The following VMP1 variants were observed in gnomAD, a reference collection of about 807,000 sequenced individuals.
The protein encoded by VMP1 is vacuole membrane protein 1.
VMP1 carries 11 observed loss-of-function variants against 56.0 expected under a neutral mutation model. The observed-to-expected ratio is 0.20, with a 90% CI of 0.12 to 0.32. The LOEUF (loss-of-function observed/expected upper bound fraction) is 0.32, where lower values mean the gene tolerates loss of function less well. VMP1 is among the 10% of genes least tolerant of loss of function. The pLI is 1.00. For synonymous variants in VMP1, 149 were observed against 165.0 expected (o/e 0.90, Z 0.74); for missense variants, 296 against 490.3 (o/e 0.60, Z 3.74).
intron 10 of VMP1, among the ~76,000 whole-genome samples, chr17:59,834,450 T>G (rs1007533030): frequency 1.5e-4 from 22 of 150,598 alleles, no homozygotes; most frequent in Middle Eastern, 3.4e-3. Flanking sequence ...TTTGGGGGGG[T>G]TTTTTGTTTT....
chr17:59,823,018 G>A (rs910582087), intron 10 of VMP1, among the ~76,000 whole-genome samples: 3 of 152,146 alleles, frequency 2.0e-5, no homozygotes, highest in African/African-American at 7.2e-5. Context: ...GCAGGAGGTT[G>A]AGGCTGCAGT....
chr17:59,772,761 T>C (rs1193098104), intron 6 of VMP1, among the ~76,000 whole-genome samples: 1 of 151,458 alleles, frequency 6.6e-6, no homozygotes, highest in Non-Finnish European at 1.5e-5. Context: ...AGAGTGAGAC[T>C]TCATCTCAAA....
intron 1 of VMP1, among the ~76,000 whole-genome samples, chr17:59,717,574 GGT>G (rs2034214342): frequency 6.6e-6 from 1 of 151,726 alleles, no homozygotes; most frequent in African/African-American, 2.4e-5. Flanking sequence ...GTACAGACAG[GGT>G]TCCACAGTGT....
At chr17:59,718,360 C>T (rs2143730002) in intron 1 of VMP1, among the ~76,000 whole-genome samples, 1 of 151,814 alleles carries the variant, frequency 6.6e-6, no homozygotes, top group South Asian at 2.1e-4. Context: ...CCACGCCCGG[C>T]TGATTTTTTG....
At chr17:59,816,026 G>T in intron 9 of VMP1, among the ~76,000 whole-genome samples, 1 of 151,790 alleles carries the variant, frequency 6.6e-6, no homozygotes, top group South Asian at 2.1e-4. Context: ...GGGCTCTTCC[G>T]TGGTCTGTGC....
intron 10 of VMP1, among the ~76,000 whole-genome samples, chr17:59,818,095 C>T (rs1568205656): frequency 6.6e-6 from 1 of 152,108 alleles, no homozygotes. Flanking sequence ...ATGTGTATAT[C>T]ATTGCAGTTT....
At chr17:59,809,568 G>A (rs1474004856) in intron 8 of VMP1, among the ~76,000 whole-genome samples, 4 of 125,196 alleles carry the variant, frequency 3.2e-5, no homozygotes, top group Non-Finnish European at 4.8e-5. Context: ...GTGCAGTGGC[G>A]GGATCTCGGC....
At chr17:59,764,741 T>C (rs1598358563) in intron 5 of VMP1, among the ~76,000 whole-genome samples, 1 of 152,204 alleles carries the variant, frequency 6.6e-6, no homozygotes, top group East Asian at 1.9e-4. Context: ...ACTCATTATG[T>C]GTAAATTTTA....
At chr17:59,808,740 C>G in intron 7 of VMP1, 56 bp from the exon 8 acceptor site, 7 of 1,353,012 alleles carry the variant, frequency 5.2e-6, no homozygotes, top group Admixed American at 1.9e-5. Context: ...TAGAAAGAAC[C>G]ATCTTTCCTT....
At chr17:59,748,129 G>A (rs868033951) in intron 5 of VMP1, among the ~76,000 whole-genome samples, 4 of 150,786 alleles carry the variant, frequency 2.7e-5, no homozygotes, top group Non-Finnish European at 4.4e-5. Flanking sequence ...CCAGGAGGCG[G>A]AGCTTACAGT....
chr17:59,776,107 G>A (rs1250886061), intron 7 of VMP1, among the ~76,000 whole-genome samples: 2 of 152,048 alleles, frequency 1.3e-5, no homozygotes, highest in Non-Finnish European at 2.9e-5. Flanking sequence ...TGCTACTTGG[G>A]AGGCTAAAAC....
intron 6 of VMP1, among the ~76,000 whole-genome samples, chr17:59,770,456 T>C (rs940110723): frequency 1.3e-5 from 2 of 152,182 alleles, no homozygotes; most frequent in Admixed American, 1.3e-4. Flanking sequence ...CCAGATATCA[T>C]AATACACATC....
intron 10 of VMP1, among the ~76,000 whole-genome samples, chr17:59,836,967 C>T (rs1026948472): frequency 2.0e-5 from 3 of 151,294 alleles, no homozygotes; most frequent in Admixed American, 2.0e-4. Flanking sequence ...TTTGGGAGGC[C>T]GAGGAAGGGG....
rs771155795 is a variant in VMP1 at position 59,714,046 on chromosome 17, GAA to G, written c.-27+6318_-27+6319del. Among the ~76,000 whole-genome samples, 139 of 61,754 alleles carry G rather than the reference GAA, an allele frequency of 2.3e-3. 1 individual carries two copies. The highest frequency in any genetic ancestry group is 5.9e-3 in the African/African-American group (119 of 20,042). 40.5% of individuals were successfully genotyped at this position (61,754 alleles called of 152,430 possible). A position where few individuals can be genotyped will look rare whatever the true frequency, so the allele number is the denominator to read the frequency against. Reference sequence around the variant, plus strand: ...ACTGAGCGAGACTCCGTCTTAAAAGGAAAAAAAAAAAAAAAAAAAAAGAAGGT... The same window carrying G: ...ACTGAGCGAGACTCCGTCTTAAAAGGAAAAAAAAAAAAAAAAAAAGAAGGT... On this transcript the variant is annotated intron_variant, in intron 1 of 11. Coordinates refer to ENST00000262291, the MANE Select transcript of VMP1 (RefSeq NM_030938.5).
intron 6 of VMP1, among the ~76,000 whole-genome samples, chr17:59,768,684 A>G (rs2036318373): frequency 6.6e-6 from 1 of 151,434 alleles, no homozygotes; most frequent in African/African-American, 2.4e-5. Context: ...ACCTTACACC[A>G]TATATAAGAA....
intron 5 of VMP1, among the ~76,000 whole-genome samples, chr17:59,746,713 G>T (rs2035437106): frequency 6.6e-6 from 1 of 152,162 alleles, no homozygotes; most frequent in Non-Finnish European, 1.5e-5. Flanking sequence ...TACTGTTTAT[G>T]CAAGAATAGT....
rs188120117 is a variant in VMP1 at position 59,742,871 on chromosome 17, A to C, written c.414+3924A>C. Among the ~76,000 whole-genome samples, 407 of 152,278 alleles carry C rather than the reference A, an allele frequency of 2.7e-3. 2 individuals are homozygous for C. Among genetic ancestry groups the C allele is most frequent in the Non-Finnish European group, 2.3e-3 (159 of 68,010 alleles). Reference sequence around the variant, plus strand: ...TGCACATACGAGGGATCTAGCTTGCATGCTCTTTATGAAAATCTAATGCCT... The same window carrying C: ...TGCACATACGAGGGATCTAGCTTGCCTGCTCTTTATGAAAATCTAATGCCT... On this transcript the variant is annotated intron_variant, in intron 5 of 11. Coordinates refer to ENST00000262291, the MANE Select transcript of VMP1 (RefSeq NM_030938.5).
intron 9 of VMP1, among the ~76,000 whole-genome samples, chr17:59,813,433 C>A (rs1030835884): frequency 6.6e-6 from 1 of 151,774 alleles, no homozygotes; most frequent in Non-Finnish European, 1.5e-5. Context: ...CAAAATTAGC[C>A]GAGCGTGGTG....
chr17:59,789,324 G>A (rs1008224364), intron 7 of VMP1, among the ~76,000 whole-genome samples: 6 of 149,940 alleles, frequency 4.0e-5, no homozygotes, highest in African/African-American at 1.2e-4. Flanking sequence ...TTGGGAGGCC[G>A]AGGCGGGCGG....
Sources: gnomAD v4.1 joint callset for allele counts (sites outside exome capture counted in the v4.1 genomes callset) on GRCh38, gnomAD v4.1.1 for gene constraint, MANE v1.5 for transcripts, NCBI Gene and HGNC (gene_info 2026-07-23, HGNC 2026-07-21) for gene names.